Variants in TRAPPC9 observed in about 807,000 individuals in gnomAD.
TRAPPC9 encodes IKK2 binding protein.
Under a neutral mutation model 124.0 loss-of-function variants are expected in TRAPPC9, and 83 were observed. The ratio of observed to expected loss-of-function variants is 0.67; its 90% CI spans 0.56 to 0.80. TRAPPC9 has a LOEUF of 0.80. Ranked by LOEUF, TRAPPC9 falls within the 30% of genes least tolerant of loss-of-function variation. The pLI is 0.00. For synonymous variants in TRAPPC9, 638 were observed against 617.5 expected (o/e 1.03, Z -0.49); for missense variants, 1,302 against 1,508.3 (o/e 0.86, Z 2.27).
chr8:140,038,839 G>A (rs374033696), intron 17 of TRAPPC9, among the ~76,000 whole-genome samples: 8 of 152,256 alleles, frequency 5.3e-5, no homozygotes, highest in South Asian at 2.1e-4. Context: ...GGCCCTCCTC[G>A]GAGCCTCCAT....
chr8:140,381,262 A>G (rs2068600405), intron 7 of TRAPPC9, among the ~76,000 whole-genome samples: 1 of 152,132 alleles, frequency 6.6e-6, no homozygotes, highest in Non-Finnish European at 1.5e-5. Flanking sequence ...TGACAATAAC[A>G]AAATGGGAGA....
intron 17 of TRAPPC9, among the ~76,000 whole-genome samples, chr8:140,218,532 C>T (rs1026426667): frequency 4.6e-5 from 7 of 151,984 alleles, no homozygotes; most frequent in South Asian, 2.1e-4. Flanking sequence ...CTACTCCCAA[C>T]TCCTTGGCAC....
intron 17 of TRAPPC9, among the ~76,000 whole-genome samples, chr8:140,168,617 A>G (rs1371632496): frequency 6.6e-6 from 1 of 152,132 alleles, no homozygotes; most frequent in Non-Finnish European, 1.5e-5. Context: ...CTGTCCTCAG[A>G]GTGAAGTCTG....
intron 15 of TRAPPC9, among the ~76,000 whole-genome samples, chr8:140,269,388 A>G (rs962834570): frequency 9.2e-5 from 14 of 151,960 alleles, no homozygotes; most frequent in Non-Finnish European, 1.9e-4. Context: ...AAAAATACAA[A>G]AAATTAGCTG....
intron 17 of TRAPPC9, among the ~76,000 whole-genome samples, chr8:140,135,469 T>C (rs922460296): frequency 7.9e-5 from 12 of 152,112 alleles, no homozygotes; most frequent in African/African-American, 2.9e-4. Flanking sequence ...GGGAAGGAAA[T>C]TTTGACATAT....
rs1822463214 is a variant in TRAPPC9, at chr8:139,788,910, G to A, written c.3056-56708C>T. Among the ~76,000 whole-genome samples the A allele has an allele frequency of 6.6e-6, 1 of 152,164 alleles. No individual in the cohort carries two copies. Among genetic ancestry groups the A allele is most frequent in the South Asian group, 2.1e-4 (1 of 4,826 alleles). ...CCAACCTTCTGCAGGTCAGACCAAAGTTTTAAAAGAAAAGCCCACGTGGGG... is the reference window on the plus strand; with the variant it reads ...CCAACCTTCTGCAGGTCAGACCAAAATTTTAAAAGAAAAGCCCACGTGGGG... On this transcript the variant is annotated intron_variant, in intron 21 of 22. Transcript: ENST00000438773. This position sits in a 1 kb window ranked among gnomAD's most constrained non-coding sequence, Gnocchi z 4.9.
intron 6 of TRAPPC9, among the ~76,000 whole-genome samples, chr8:140,399,379 A>G (rs1208365244): frequency 1.3e-5 from 2 of 152,318 alleles, no homozygotes; most frequent in South Asian, 2.1e-4. Flanking sequence ...CAGACACTCA[A>G]TGCCAGCCCA....
intron 21 of TRAPPC9, among the ~76,000 whole-genome samples, chr8:139,815,571 T>C (rs529211120): frequency 5.5e-4 from 84 of 152,278 alleles, no homozygotes; most frequent in African/African-American, 1.9e-3. Context: ...TTTGTATTTT[T>C]AGCAGAGACA....
rs11993266 is a variant in TRAPPC9, at chr8:140,075,629, A to G, written c.2557-51550T>C. ...CAGCTCCAACATTTGTTAAGCATGT[A>G]TATTATATGCACGTCAGTAAAGTGA... On this transcript the variant is annotated intron_variant, in intron 17 of 22. Transcript: ENST00000438773. 5.2e-3 allele frequency among the ~76,000 whole-genome samples: 797 copies of G among 152,368 alleles called. 9 individuals are homozygous for G. The highest frequency in any genetic ancestry group is 0.018 in the African/African-American group (761 of 41,586).
intron 10 of TRAPPC9, among the ~76,000 whole-genome samples, chr8:140,305,499 G>C (rs555572919): frequency 6.6e-6 from 1 of 152,038 alleles, no homozygotes; most frequent in Non-Finnish European, 1.5e-5. Flanking sequence ...ATGGGGTTCC[G>C]CTCTGTTGGC....
At chr8:139,835,470 G>A (rs1465213337) in intron 21 of TRAPPC9, among the ~76,000 whole-genome samples, 3 of 152,216 alleles carry the variant, frequency 2.0e-5, no homozygotes, top group Non-Finnish European at 2.9e-5. Flanking sequence ...ACGTTCGCCC[G>A]TGCTGTGCGT....
intron 17 of TRAPPC9, among the ~76,000 whole-genome samples, chr8:140,209,669 T>C (rs573710584): frequency 6.6e-6 from 1 of 152,372 alleles, no homozygotes; most frequent in African/African-American, 2.4e-5. Flanking sequence ...TGTAAGCTTT[T>C]CTTATCTACC....
intron 9 of TRAPPC9, among the ~76,000 whole-genome samples, chr8:140,349,087 G>A (rs1027390210): frequency 7.2e-6 from 1 of 139,476 alleles, no homozygotes; most frequent in Non-Finnish European, 1.6e-5. Context: ...AGGGGGGCGT[G>A]CGAGGGAAGG....
intron 21 of TRAPPC9, among the ~76,000 whole-genome samples, chr8:139,772,663 C>T (rs1160383930): frequency 1.3e-5 from 2 of 152,202 alleles, no homozygotes; most frequent in Non-Finnish European, 2.9e-5. Flanking sequence ...AATCTTTGTG[C>T]AGCTCTATTA....
At chr8:139,940,259 C>T (rs1251703437) in intron 19 of TRAPPC9, among the ~76,000 whole-genome samples, 25 of 152,206 alleles carry the variant, frequency 1.6e-4, no homozygotes, top group Admixed American at 1.6e-3. Flanking sequence ...CTTAATACAT[C>T]TTCTCCACCA....
intron 21 of TRAPPC9, among the ~76,000 whole-genome samples, chr8:139,817,511 C>A (rs892653385): frequency 6.6e-6 from 1 of 152,228 alleles, no homozygotes; most frequent in Non-Finnish European, 1.5e-5. Context: ...GTCCTCACGG[C>A]CCTCAATCGA....
At position 139,740,859 on chromosome 8, in the gene TRAPPC9, G is replaced by A. The variant is rs113932489; in HGVS notation, c.3056-8657C>T. Among the ~76,000 whole-genome samples the A allele has an allele frequency of 2.8e-3, 431 of 152,336 alleles. 2 individuals are homozygous for A. Among genetic ancestry groups the A allele is most frequent in the African/African-American group, 9.7e-3 (405 of 41,576 alleles). ...CCTGGAGGGCAGATGTGGTGCTGGT[G>A]CAGGCCTTCCAGTCTGGGCTCTGCC... On this transcript the variant is annotated intron_variant, in intron 21 of 22. Transcript: ENST00000438773.
At chr8:140,360,514 T>C (rs1053132946) in intron 8 of TRAPPC9, among the ~76,000 whole-genome samples, 8 of 152,104 alleles carry the variant, frequency 5.3e-5, no homozygotes, top group African/African-American at 1.9e-4. Flanking sequence ...AGAGACATAC[T>C]TTTTTTCCAA....
At position 140,090,317 on chromosome 8, in the gene TRAPPC9, G is replaced by A. The variant is rs934594489; in HGVS notation, c.2557-66238C>T. On this transcript the variant is annotated intron_variant, in intron 17 of 22. Coordinates refer to ENST00000438773, the MANE Select transcript of TRAPPC9 (RefSeq NM_001160372.4). ...CACCTGGCACCAGACACTGCCTCCCGCCCCATGAGCAGCTCCCACAGAAGC... is the reference window on the plus strand; with the variant it reads ...CACCTGGCACCAGACACTGCCTCCCACCCCATGAGCAGCTCCCACAGAAGC... Among the ~76,000 whole-genome samples the A allele has an allele frequency of 3.3e-5, 5 of 152,032 alleles. No homozygotes were observed. In the South Asian group the frequency reaches 6.2e-4, roughly 19 times the overall value.
Sources: allele counts gnomAD v4.1 joint callset (sites outside exome capture counted in the v4.1 genomes callset), GRCh38; gene constraint gnomAD v4.1.1; non-coding constraint Gnocchi (gnomAD v3.1); transcripts MANE v1.5; gene names NCBI Gene and HGNC (gene_info 2026-07-23, HGNC 2026-07-21).